Variants in KCNH7 observed in about 807,000 individuals in gnomAD.
KCNH7 encodes voltage-gated inwardly rectifying potassium channel KCNH7.
A neutral mutation model predicts 120.8 loss-of-function variants in KCNH7; 49 were observed. That is an observed-to-expected ratio of 0.41 (90% CI 0.32 to 0.51). The LOEUF (loss-of-function observed/expected upper bound fraction) is 0.51, where lower values mean the gene tolerates loss of function less well. KCNH7 is among the 20% of genes least tolerant of loss of function. KCNH7 has a pLI of 0.38. For synonymous variants in KCNH7, 547 were observed against 516.1 expected (o/e 1.06, Z -0.81); for missense variants, 1,097 against 1,446.6 (o/e 0.76, Z 3.92).
intron 2 of KCNH7, among the ~76,000 whole-genome samples, chr2:162,794,219 A>G (rs1684054989): frequency 6.6e-6 from 1 of 151,776 alleles, no homozygotes; most frequent in African/African-American, 2.4e-5. Flanking sequence ...GAAAACAAAG[A>G]AGGAAGGAAG....
intron 2 of KCNH7, among the ~76,000 whole-genome samples, chr2:162,645,400 C>G (rs1684322178): frequency 6.6e-6 from 1 of 152,092 alleles, no homozygotes; most frequent in South Asian, 2.1e-4. Flanking sequence ...CCTGCTTTGG[C>G]CTTCCAAAGT....
intron 2 of KCNH7, among the ~76,000 whole-genome samples, chr2:162,670,331 G>A (rs183046257): frequency 7.2e-4 from 109 of 151,222 alleles, no homozygotes; most frequent in African/African-American, 2.5e-3. Context: ...AAAATTAACT[G>A]GGTGTGGTGG....
chr2:162,797,076 C>T (rs981894610), intron 2 of KCNH7: 5 of 152,140 alleles, frequency 3.3e-5, no homozygotes, highest in African/African-American at 1.2e-4. Flanking sequence ...ACATAACTCA[C>T]TTTGTTGCAA....
At chr2:162,451,689 C>G (rs761256082) in intron 6 of KCNH7, among the ~76,000 whole-genome samples, 1 of 151,892 alleles carries the variant, frequency 6.6e-6, no homozygotes, top group African/African-American at 2.4e-5. Context: ...GGGTCTCTCT[C>G]TATATATGTA....
intron 12 of KCNH7, among the ~76,000 whole-genome samples, chr2:162,388,465 A>G (rs1686644635): frequency 6.6e-6 from 1 of 151,854 alleles, no homozygotes; most frequent in African/African-American, 2.4e-5. Flanking sequence ...GAAAAAAATC[A>G]CTTTGTATAC....
chr2:162,415,011 T>C (rs1478484206), intron 9 of KCNH7, among the ~76,000 whole-genome samples: 1 of 152,056 alleles, frequency 6.6e-6, no homozygotes, highest in African/African-American at 2.4e-5. Flanking sequence ...AACAATGCCA[T>C]ATGCTGGATA....
At chr2:162,716,037 A>C (rs1397845006) in intron 2 of KCNH7, among the ~76,000 whole-genome samples, 1 of 152,042 alleles carries the variant, frequency 6.6e-6, no homozygotes, top group Non-Finnish European at 1.5e-5. Flanking sequence ...ACAAATTAAA[A>C]ATTTTATTAT....
At chr2:162,396,467 G>T (rs1686914843) in intron 11 of KCNH7, among the ~76,000 whole-genome samples, 1 of 151,642 alleles carries the variant, frequency 6.6e-6, no homozygotes, top group African/African-American at 2.4e-5. Context: ...ATAAACAAAG[G>T]CTATTTTAAC....
rs767012676 is a variant in KCNH7 at position 162,423,386 on chromosome 2, C to A, written c.2104G>T (p.Glu702Ter). 6.2e-7 allele frequency: 1 copy of A among 1,614,114 alleles called. No individual in the cohort carries two copies. The highest frequency in any genetic ancestry group is 8.5e-7 in the Non-Finnish European group (1 of 1,179,972). ...TAAGTCCATGCGTGCTGGAAATATT[C>A]TTCAAGACGTTGCCTCAGAGGGTTG... ...IPNPLRQRLE[E>*]YFQHAWTYTN... The change falls in exon 9 of 16, where the codon GAA becomes TAA. Residue 702 changes from glutamate (E) to a stop codon, truncating the protein, a stop_gained. Coordinates refer to ENST00000332142, the MANE Select transcript of KCNH7 (RefSeq NM_033272.4). LOFTEE classifies it high-confidence loss of function.
intron 2 of KCNH7, among the ~76,000 whole-genome samples, chr2:162,723,262 A>G (rs1687395154): frequency 6.6e-6 from 1 of 152,080 alleles, no homozygotes; most frequent in African/African-American, 2.4e-5. Context: ...TTCATGAACT[A>G]GTCTTTTACA....
rs1335422480 is a variant in KCNH7, at chr2:162,446,314, A to G, written c.1258T>C (p.Tyr420His). The G allele has an allele frequency of 1.2e-6, 2 of 1,613,978 alleles. No homozygotes were observed. The highest frequency in any genetic ancestry group is 1.3e-5 in the African/African-American group (1 of 75,052). Residue 420 changes from tyrosine to histidine, a missense_variant, in exon 7 of 16, where the codon TAC becomes CAC. Transcript: ENST00000332142. ...GAGTAGGGAGTAAATATAGCAGTGT[A>G]TATGACCAACAGCAGGATAAGCCAG... ...WDWLILLLVI[Y>H]TAIFTPYSAA...
At chr2:162,375,762 AT>A (rs1160771155) in intron 14 of KCNH7, among the ~76,000 whole-genome samples, 2 of 151,938 alleles carry the variant, frequency 1.3e-5, no homozygotes, top group African/African-American at 4.8e-5. Flanking sequence ...ATCCTCAATA[AT>A]TAGCCAGGTG....
At chr2:162,431,560 G>T (rs1014731433) in intron 8 of KCNH7, among the ~76,000 whole-genome samples, 1 of 151,800 alleles carries the variant, frequency 6.6e-6, no homozygotes, top group Non-Finnish European at 1.5e-5. Flanking sequence ...TCATGGTGCA[G>T]TTCTCCAGGA....
In KCNH7 at chr2:162,424,315, CT is replaced by C. The variant is rs534538094; in HGVS notation, c.1955-781del. On this transcript the variant is annotated intron_variant, in intron 8 of 15. Coordinates refer to ENST00000332142, the MANE Select transcript of KCNH7 (RefSeq NM_033272.4). ...TTTAGGTAGAATATCTGTATTGGTG[CT>C]TCTTACACTAAATCTTCATGATTTA... Among the ~76,000 whole-genome samples the C allele has an allele frequency of 2.3e-3, 357 of 152,262 alleles. 1 individual carries two copies. The highest frequency in any genetic ancestry group is 8.0e-3 in the African/African-American group (332 of 41,552).
intron 2 of KCNH7, among the ~76,000 whole-genome samples, chr2:162,590,919 T>G (rs1694192761): frequency 6.6e-6 from 1 of 152,170 alleles, no homozygotes; most frequent in African/African-American, 2.4e-5. Context: ...TTCAAACTCT[T>G]GTCCATATAA....
chr2:162,465,217 G>A (rs1689269479), intron 6 of KCNH7, among the ~76,000 whole-genome samples: 1 of 152,100 alleles, frequency 6.6e-6, no homozygotes, highest in Non-Finnish European at 1.5e-5. Context: ...ATTATCTCAA[G>A]TAGAAAATAA....
At chr2:162,791,716 T>C (rs1309587494) in intron 2 of KCNH7, among the ~76,000 whole-genome samples, 1 of 152,160 alleles carries the variant, frequency 6.6e-6, no homozygotes, top group Non-Finnish European at 1.5e-5. Context: ...TTGGATCATG[T>C]CATCTGCAAA....
chr2:162,481,641 T>C (rs1395585867), intron 6 of KCNH7, among the ~76,000 whole-genome samples: 1 of 152,188 alleles, frequency 6.6e-6, no homozygotes, highest in Non-Finnish European at 1.5e-5. Flanking sequence ...TTAACTTTTA[T>C]GTATCTTATT....
chr2:162,462,965 G>A (rs758309713), intron 6 of KCNH7, among the ~76,000 whole-genome samples: 8 of 151,938 alleles, frequency 5.3e-5, no homozygotes, highest in South Asian at 4.2e-4. Context: ...TATCAGGGAC[G>A]GAGTAAATTC....
Sources: allele counts gnomAD v4.1 joint callset (sites outside exome capture counted in the v4.1 genomes callset), GRCh38; gene constraint gnomAD v4.1.1; transcripts MANE v1.5; gene names NCBI Gene and HGNC (gene_info 2026-07-23, HGNC 2026-07-21).